TRIM54: variants seen among roughly 807,000 people sequenced by gnomAD.
TRIM54 encodes the protein tripartite motif-containing protein 54.
TRIM54 carries 40 observed loss-of-function variants against 42.0 expected under a neutral mutation model. The observed-to-expected ratio is 0.95, with a 90% CI of 0.74 to 1.24. The LOEUF (loss-of-function observed/expected upper bound fraction) is 1.24. Among genes scored for constraint, TRIM54 ranks in the 50% most tolerant of loss-of-function variants. The probability of loss-of-function intolerance (pLI) is 0.00; values close to 1 mark genes in which losing one functional copy is unlikely to be tolerated. For missense variants in TRIM54, 485 were observed against 480.3 expected, an observed-to-expected ratio of 1.01 and a Z score of -0.09; for synonymous variants, 199 against 194.9, an observed-to-expected ratio of 1.02 and a Z score of -0.17.
chr2:27,284,575 C>T (rs1325547791), intron 1 of TRIM54, among the ~76,000 whole-genome samples: 1 of 152,126 alleles, frequency 6.6e-6, no homozygotes, highest in Non-Finnish European at 1.5e-5. Context: ...GCTGTGCCTC[C>T]TCGTCCTGGG....
chr2:27,304,672 G>C (rs1398373711), intron 3 of TRIM54: 3 of 338,398 alleles, frequency 8.9e-6, no homozygotes, highest in African/African-American at 4.1e-5. Context: ...TGCAAGAAAT[G>C]AATCTACAGA....
chr2:27,284,321 G>A (rs748550809), intron 1 of TRIM54, among the ~76,000 whole-genome samples: 9 of 152,136 alleles, frequency 5.9e-5, no homozygotes, highest in Non-Finnish European at 1.3e-4. Flanking sequence ...CCTTGGGGCA[G>A]CTTGTTTTGG....
intron 1 of TRIM54, among the ~76,000 whole-genome samples, chr2:27,286,860 CA>C (rs1301748023): frequency 2.0e-5 from 3 of 152,206 alleles, no homozygotes; most frequent in Non-Finnish European, 2.9e-5. Flanking sequence ...CAGGTGTCAT[CA>C]GGTACAGGCC....
Position 27,306,538 on chromosome 2 carries a change from T to C in TRIM54, c.1074T>C (p.Pro358=), listed in dbSNP as rs1336670139. Reference sequence around the variant, plus strand: ...CGGAGGAAGAGCGGCCGGATGGGCCTTAAGGTGAGAGCCGCCCGATGGGCC... The same window carrying C: ...CGGAGGAAGAGCGGCCGGATGGGCCCTAAGGTGAGAGCCGCCCGATGGGCC... The part of the protein sequence containing the change: ...AGPEEERPDG[P] The change falls in exon 8 of 9, where the codon CCT becomes CCC. Residue 358 remains proline, a synonymous_variant. Transcript: ENST00000380075. The surrounding 1 kb of genome is among the most constrained non-coding windows in gnomAD (Gnocchi z 6.1). 1.9e-6 allele frequency: 3 copies of C among 1,548,090 alleles called. No individual in the cohort carries two copies. The highest frequency in any genetic ancestry group is 2.6e-6 in the Non-Finnish European group (3 of 1,146,362).
chr2:27,300,194 G>A (rs774760993), intron 3 of TRIM54, among the ~76,000 whole-genome samples: 12 of 151,642 alleles, frequency 7.9e-5, no homozygotes, highest in Non-Finnish European at 1.6e-4. Flanking sequence ...ATTTTGAGAT[G>A]GAGTTTTGCT....
chr2:27,298,658 T>C lies in TRIM54; in HGVS notation c.260T>C (p.Leu87Pro). 4 of 1,614,190 alleles carry C rather than the reference T, an allele frequency of 2.5e-6. No homozygotes were observed. The highest frequency in any genetic ancestry group is 3.4e-6 in the Non-Finnish European group (4 of 1,180,024). The change falls in exon 2 of 9, where the codon CTG (leucine) becomes CCG (proline). Residue 87 changes from leucine (L) to proline (P), a missense_variant. Physicochemically the swap from Leu to Pro is moderately conservative, Grantham distance 98. Transcript: ENST00000380075. ...RCPSCRHEVV[L>P]DRHGVYGLQR... ...CCATCGTGCAGGCATGAGGTTGTCCTGGACAGACACGGTGTCTACGGCCTG... is the reference window on the plus strand; with the variant it reads ...CCATCGTGCAGGCATGAGGTTGTCCCGGACAGACACGGTGTCTACGGCCTG...
chr2:27,297,522 C>T (rs1027032775), intron 1 of TRIM54, among the ~76,000 whole-genome samples: 1 of 152,206 alleles, frequency 6.6e-6, no homozygotes, highest in Non-Finnish European at 1.5e-5. Context: ...GAGCCTACCC[C>T]TATCACAACA....
intron 1 of TRIM54, among the ~76,000 whole-genome samples, chr2:27,287,333 G>T (rs1268436313): frequency 6.6e-6 from 1 of 152,008 alleles, no homozygotes; most frequent in Non-Finnish European, 1.5e-5. Context: ...CCCCTGAGTA[G>T]CTGGGACCAC....
intron 4 of TRIM54, 102 bp from the exon 5 acceptor site, chr2:27,305,482 G>T: frequency 1.1e-6 from 1 of 938,822 alleles, no homozygotes; most frequent in South Asian, 1.7e-5. Context: ...GTGTCACTAC[G>T]GATGGGTCAC....
chr2:27,283,782 GCGCACACACACACACACACACA>G (rs1340939026), intron 1 of TRIM54, among the ~76,000 whole-genome samples: 2 of 86,322 alleles, frequency 2.3e-5, no homozygotes, highest in African/African-American at 9.8e-5. Context: ...ACACACACGC[GCGCACACACACACACACACACA>G]CACACACACA....
intron 1 of TRIM54, among the ~76,000 whole-genome samples, chr2:27,283,628 A>G (rs1264703040): frequency 6.6e-6 from 1 of 151,820 alleles, no homozygotes; most frequent in African/African-American, 2.4e-5. Flanking sequence ...ATACTAGTAT[A>G]GCCACTGGTT....
intron 1 of TRIM54, among the ~76,000 whole-genome samples, chr2:27,293,519 C>A (rs1678777159): frequency 6.6e-6 from 1 of 152,134 alleles, no homozygotes; most frequent in Non-Finnish European, 1.5e-5. Flanking sequence ...ATTTCACAGA[C>A]AAACAGGTCA....
intron 1 of TRIM54, among the ~76,000 whole-genome samples, chr2:27,283,872 C>T (rs575083822): frequency 6.6e-6 from 1 of 152,050 alleles, no homozygotes; most frequent in Non-Finnish European, 1.5e-5. Context: ...CAGTGGCTCA[C>T]GCCTGTAATC....
intron 1 of TRIM54, among the ~76,000 whole-genome samples, chr2:27,289,726 T>A (rs1170955917): frequency 6.6e-6 from 1 of 151,952 alleles, no homozygotes; most frequent in African/African-American, 2.4e-5. Context: ...GGGGGAAATG[T>A]CTAAAAAGGA....
Position 27,306,168 on chromosome 2 carries a change from G to C in TRIM54, c.867-45G>C, listed in dbSNP as rs1410184189. 6 of 1,613,868 alleles carry C rather than the reference G, an allele frequency of 3.7e-6. No homozygotes were observed. Among genetic ancestry groups the C allele is most frequent in the East Asian group, 2.2e-5 (1 of 44,894 alleles). The stretch of plus-strand genomic sequence containing the variant: ...TGCTCCACTGGCTGGGGTGGGGCTT[G>C]AGAGTGCTGGGGCATTGCCAGCTGA... On this transcript the variant is annotated intron_variant, in intron 6 of 8. Coordinates refer to ENST00000380075, the MANE Select transcript of TRIM54 (RefSeq NM_187841.3). This position sits in a 1 kb window ranked among gnomAD's most constrained non-coding sequence, Gnocchi z 6.1.
intron 3 of TRIM54, 59 bp from the exon 4 acceptor site, chr2:27,304,900 T>G: frequency 2.0e-6 from 3 of 1,502,212 alleles, no homozygotes; most frequent in Non-Finnish European, 2.7e-6. Context: ...CTGGCTGGGG[T>G]GAGGGGTGTA....
At chr2:27,282,961 G>A in intron 1 of TRIM54, 62 bp downstream of exon 1, 2 of 1,520,202 alleles carry the variant, frequency 1.3e-6, no homozygotes, top group Non-Finnish European at 1.8e-6. Context: ...GGACTGATCA[G>A]GTCAGAGCTG....
chr2:27,305,880 A>G lies in TRIM54; in HGVS notation c.843+63A>G. 7 of 1,436,722 alleles carry G rather than the reference A, an allele frequency of 4.9e-6. No homozygotes were observed. The South Asian group carries it at 6.3e-5, about 13-fold the overall frequency. The allele number at this position is 1,436,722 out of a possible 1,614,324, so 89.0% of individuals were successfully genotyped here. The stretch of plus-strand genomic sequence containing the variant: ...CTGGAGTCAGGGCCTTGGTACCTGG[A>G]GTCCCGGGTTCAAGTCTTGTCTCTT... On this transcript the variant is annotated intron_variant, in intron 5 of 8. Transcript: ENST00000380075.
chr2:27,298,099 T>C (rs983903094), intron 1 of TRIM54, among the ~76,000 whole-genome samples: 2 of 152,012 alleles, frequency 1.3e-5, no homozygotes, highest in African/African-American at 4.8e-5. Context: ...AGTTACAGTT[T>C]GTGAACCCCA....
Sources: allele counts gnomAD v4.1 joint callset (sites outside exome capture counted in the v4.1 genomes callset), GRCh38; gene constraint gnomAD v4.1.1; non-coding constraint Gnocchi (gnomAD v3.1); transcripts MANE v1.5; gene names NCBI Gene and HGNC (gene_info 2026-07-23, HGNC 2026-07-21).